Variants in MACROD2 observed in about 807,000 individuals in gnomAD.
MACROD2 encodes the protein mono-ADP ribosylhydrolase 2.
In MACROD2, 36 loss-of-function variants were observed where a neutral mutation model predicts 70.4. That is an observed-to-expected ratio of 0.51 (90% CI 0.39 to 0.68). MACROD2 has a LOEUF of 0.68. MACROD2 is among the 30% of genes least tolerant of loss of function. The pLI, the probability that MACROD2 is intolerant of heterozygous loss-of-function variation, is 0.00. For synonymous variants in MACROD2, 172 were observed against 178.8 expected (o/e 0.96, Z 0.30); for missense variants, 496 against 538.4 (o/e 0.92, Z 0.78).
At chr20:14,005,006 GATTT>G in intron 2 of MACROD2, among the ~76,000 whole-genome samples, 1 of 152,098 alleles carries the variant, frequency 6.6e-6, no homozygotes, top group South Asian at 2.1e-4. Context: ...GCTTTGTTCA[GATTT>G]ATTTTACTTT....
At chr20:15,305,451 A>G (rs1016319298) in intron 6 of MACROD2, among the ~76,000 whole-genome samples, 12 of 152,190 alleles carry the variant, frequency 7.9e-5, no homozygotes, top group African/African-American at 2.9e-4. Context: ...AGGCACACAA[A>G]TAAATGCTTA....
rs560758109 is a variant in MACROD2 at position 15,038,281 on chromosome 20, G to C, written c.419-191659G>C. 2.0e-5 allele frequency among the ~76,000 whole-genome samples: 3 copies of C among 152,104 alleles called. No homozygotes were observed. In the South Asian group the frequency reaches 6.2e-4, roughly 32 times the overall value. On this transcript the variant is annotated intron_variant, in intron 5 of 17. Coordinates refer to ENST00000684519, the MANE Select transcript of MACROD2 (RefSeq NM_001351661.2). ...CTGGATAATTTTTACTTCAAAACTA[G>C]GTTATGTACATGATTAACTTTTATT...
intron 8 of MACROD2, among the ~76,000 whole-genome samples, chr20:15,599,169 A>G (rs1303086473): frequency 2.6e-5 from 4 of 152,100 alleles, no homozygotes; most frequent in South Asian, 4.2e-4. Flanking sequence ...TCACGAGGTC[A>G]GGAGATCGAG....
At chr20:15,792,288 T>C (rs1409677552) in intron 8 of MACROD2, among the ~76,000 whole-genome samples, 2 of 152,068 alleles carry the variant, frequency 1.3e-5, no homozygotes, top group Non-Finnish European at 2.9e-5. Flanking sequence ...AGTGAATTTA[T>C]TTAAAATTTT....
intron 4 of MACROD2, among the ~76,000 whole-genome samples, chr20:14,558,525 A>C (rs753210467): frequency 6.6e-6 from 1 of 151,774 alleles, no homozygotes; most frequent in Non-Finnish European, 1.5e-5. Flanking sequence ...ACATGAATTT[A>C]AGAAAAAAAT....
At chr20:14,989,701 A>G (rs2074883179) in intron 5 of MACROD2, among the ~76,000 whole-genome samples, 2 of 152,228 alleles carry the variant, frequency 1.3e-5, no homozygotes, top group Non-Finnish European at 1.5e-5. Context: ...GTAATTTAAG[A>G]TGTTAATGAG....
chr20:14,326,320 A>G lies in MACROD2; in HGVS notation c.272-167159A>G. ...CCCTGTGGTTTGGTGATCCTTAGTG[A>G]GCTTGGGGTTCTTAATATCTGGCTG... On this transcript the variant is annotated intron_variant, in intron 3 of 17. Transcript: ENST00000684519. The surrounding 1 kb of genome is among the most constrained non-coding windows in gnomAD (Gnocchi z 5.5). The G allele has an allele frequency of 6.2e-7, 1 of 1,613,716 alleles. No individual in the cohort carries two copies.
chr20:14,208,663 G>C (rs2081545568), intron 3 of MACROD2, among the ~76,000 whole-genome samples: 1 of 152,132 alleles, frequency 6.6e-6, no homozygotes, highest in African/African-American at 2.4e-5. Flanking sequence ...TGATCTCTTT[G>C]TGCATTTCCA....
intron 8 of MACROD2, among the ~76,000 whole-genome samples, chr20:15,568,633 G>T (rs2048339324): frequency 6.6e-6 from 1 of 152,152 alleles, no homozygotes; most frequent in Non-Finnish European, 1.5e-5. Context: ...TTTGATCAGA[G>T]CTAGTCATGT....
At chr20:15,301,591 C>CTTTTTTTTTTTTGTTTTTTTTT (rs2077643221) in intron 6 of MACROD2, among the ~76,000 whole-genome samples, 1 of 81,250 alleles carries the variant, frequency 1.2e-5, no homozygotes, top group Non-Finnish European at 2.4e-5. Context: ...GGTAGGTGGC[C>CTTTTTTTTTTTTGTTTTTTTTT]TTTTTTTTTT....
chr20:15,538,974 T>C (rs1192165182), intron 8 of MACROD2, among the ~76,000 whole-genome samples: 1 of 152,112 alleles, frequency 6.6e-6, no homozygotes, highest in Non-Finnish European at 1.5e-5. Context: ...TAATAAATAA[T>C]ATGTCTATAT....
At chr20:15,757,745 G>A (rs947874348) in intron 8 of MACROD2, among the ~76,000 whole-genome samples, 2 of 152,112 alleles carry the variant, frequency 1.3e-5, no homozygotes, top group Non-Finnish European at 2.9e-5. Flanking sequence ...AAATAGATAA[G>A]AGATAGAGAA....
intron 10 of MACROD2, among the ~76,000 whole-genome samples, chr20:15,922,876 G>C (rs987681330): frequency 1.3e-5 from 2 of 152,208 alleles, no homozygotes; most frequent in Non-Finnish European, 2.9e-5. Flanking sequence ...TTTGCTCAAT[G>C]ATGAATCCAT....
intron 5 of MACROD2, among the ~76,000 whole-genome samples, chr20:14,721,546 A>C (rs2071470157): frequency 6.6e-6 from 1 of 152,178 alleles, no homozygotes; most frequent in African/African-American, 2.4e-5. Context: ...CTTACACATG[A>C]GAAATAATTG....
At chr20:15,086,476 A>T (rs1195123796) in intron 5 of MACROD2, among the ~76,000 whole-genome samples, 1 of 152,166 alleles carries the variant, frequency 6.6e-6, no homozygotes, top group African/African-American at 2.4e-5. Context: ...TCTGGCCCCA[A>T]TCCCCTGTTG....
At chr20:14,240,083 A>C (rs551451808) in intron 3 of MACROD2, among the ~76,000 whole-genome samples, 39 of 152,344 alleles carry the variant, frequency 2.6e-4, no homozygotes, top group African/African-American at 8.9e-4. Flanking sequence ...GAACATGAAA[A>C]AATGCTCAAC....
Position 14,273,029 on chromosome 20 carries a change from C to T in MACROD2, c.271+187301C>T, listed in dbSNP as rs563783455. Among the ~76,000 whole-genome samples, 3 of 151,440 alleles carry T rather than the reference C, an allele frequency of 2.0e-5. No individual in the cohort carries two copies. The South Asian group carries it at 6.3e-4, about 32-fold the overall frequency. On this transcript the variant is annotated intron_variant, in intron 3 of 17. Coordinates refer to ENST00000684519, the MANE Select transcript of MACROD2 (RefSeq NM_001351661.2). ...GTGACCTACAAAGAGACTTAGACTC[C>T]TACACAATAATAATGGGAGACTTTA...
chr20:14,626,203 G>A (rs376463439), intron 4 of MACROD2, among the ~76,000 whole-genome samples: 12 of 152,084 alleles, frequency 7.9e-5, no homozygotes, highest in Admixed American at 3.9e-4. Context: ...GGGTAGTTGT[G>A]GGGGTGGGCA....
At chr20:15,230,962 T>TAGC (rs1393733027) in intron 6 of MACROD2, among the ~76,000 whole-genome samples, 3 of 152,162 alleles carry the variant, frequency 2.0e-5, no homozygotes, top group Non-Finnish European at 4.4e-5. Context: ...CTTGATTTCA[T>TAGC]AGCAGACTGA....
Sources: allele counts gnomAD v4.1 joint callset (sites outside exome capture counted in the v4.1 genomes callset), GRCh38; gene constraint gnomAD v4.1.1; non-coding constraint Gnocchi (gnomAD v3.1); transcripts MANE v1.5; gene names NCBI Gene and HGNC (gene_info 2026-07-23, HGNC 2026-07-21).